Variants in MARK3 observed in about 807,000 individuals in gnomAD.
The protein encoded by MARK3 is MAP/microtubule affinity-regulating kinase 3.
A neutral mutation model predicts 90.1 loss-of-function variants in MARK3; 46 were observed. The ratio of observed to expected loss-of-function variants is 0.51; its 90% CI spans 0.40 to 0.65. MARK3 has a LOEUF of 0.65. Among genes scored for constraint, MARK3 ranks in the 30% least tolerant of loss-of-function variants. MARK3 has a pLI of 0.00. For synonymous variants in MARK3, 321 were observed against 332.6 expected (o/e 0.97, Z 0.38); for missense variants, 818 against 947.2 (o/e 0.86, Z 1.79).
chr14:103,412,154 T>C, intron 2 of MARK3: 1 of 1,376,464 alleles, frequency 7.3e-7, no homozygotes, highest in Non-Finnish European at 9.8e-7. Context: ...GTGGTGCTCT[T>C]GATATATAAG....
intron 1 of MARK3, among the ~76,000 whole-genome samples, chr14:103,399,379 A>G (rs1282831891): frequency 1.3e-5 from 2 of 152,184 alleles, no homozygotes; most frequent in Non-Finnish European, 2.9e-5. Flanking sequence ...GACCTAACAC[A>G]GTGCCCTAAA....
chr14:103,454,140 C>G (rs889777630), intron 5 of MARK3, among the ~76,000 whole-genome samples: 10 of 152,186 alleles, frequency 6.6e-5, no homozygotes, highest in African/African-American at 2.4e-4. Flanking sequence ...ATGTGCTGAG[C>G]TGAGCTTCAC....
At chr14:103,467,004 CAAAA>C (rs11320440) in intron 10 of MARK3, 71 bp from the exon 11 acceptor site, 4,481 of 420,468 alleles carry the variant, frequency 0.011, no homozygotes, top group East Asian at 0.016. Context: ...AACTCCGTCT[CAAAA>C]AAAAAAAAAA....
rs373318191 is a variant in MARK3 at position 103,491,866 on chromosome 14, C to A, written c.1676C>A (p.Thr559Asn). ...TPDRIRFPRG[T>N]ASRSTFHGQP... ...GATCGAATCCGCTTCCCAAGAGGCA[C>A]TGCCAGTCGTAGCACTTTCCACGGC... is the stretch of plus-strand genomic sequence containing the variant. The change falls in exon 15 of 18, where the codon ACT becomes AAT. Residue 559 changes from threonine to asparagine, a missense_variant. Around this residue, in one of 3 missense-constraint regions of MARK3, gnomAD observed 560 missense variants for 613.5 expected, o/e 0.91. Transcript: ENST00000429436. The A allele has an allele frequency of 1.9e-6, 3 of 1,614,134 alleles. No homozygotes were observed. In the African/African-American group the frequency reaches 4.0e-5, roughly 22 times the overall value.
At chr14:103,453,782 AC>A (rs1162369899) in intron 5 of MARK3, among the ~76,000 whole-genome samples, 4 of 152,096 alleles carry the variant, frequency 2.6e-5, no homozygotes, top group Non-Finnish European at 5.9e-5. Context: ...GCTTTCTCTT[AC>A]CAGATCTCCT....
At chr14:103,410,056 A>T (rs187996534) in intron 2 of MARK3, among the ~76,000 whole-genome samples, 1 of 152,318 alleles carries the variant, frequency 6.6e-6, no homozygotes, top group Non-Finnish European at 1.5e-5. Context: ...AATGGAATAG[A>T]GTGTTCATTT....
chr14:103,422,137 T>C (rs2092245050), intron 2 of MARK3, among the ~76,000 whole-genome samples: 1 of 152,206 alleles, frequency 6.6e-6, no homozygotes, highest in Non-Finnish European at 1.5e-5. Context: ...TCATTGACTT[T>C]AAAAACACAA....
Position 103,480,371 on chromosome 14 carries a change from A to G in MARK3, c.1483-16A>G, listed in dbSNP as rs752742370. 1 of 1,522,178 alleles carries G rather than the reference A, an allele frequency of 6.6e-7. No individual in the cohort carries two copies. The allele number at this position is 1,522,178 out of a possible 1,614,324, so 94.3% of individuals were successfully genotyped here. On this transcript the variant is annotated splice_polypyrimidine_tract_variant and intron_variant, in intron 13 of 17. Coordinates refer to ENST00000429436, the MANE Select transcript of MARK3 (RefSeq NM_001128918.3). ...TTTACCAAATAAATTTAAGACAAAA[A>G]TGCCCTTTTTTATAGAGTAACACAG...
chr14:103,491,712 G>A (rs564913920), intron 14 of MARK3, 65 bp from the exon 15 acceptor site: 7 of 1,544,134 alleles, frequency 4.5e-6, no homozygotes, highest in South Asian at 1.2e-5. Flanking sequence ...TGTATAAAAG[G>A]TATATTGTGA....
chr14:103,442,953 C>CA (rs1555386469), intron 3 of MARK3, among the ~76,000 whole-genome samples: 2 of 147,430 alleles, frequency 1.4e-5, no homozygotes, highest in African/African-American at 2.5e-5. Context: ...CCCCCCCCCT[C>CA]CCACCGACAA....
chr14:103,435,574 A>G (rs961077685), intron 3 of MARK3, among the ~76,000 whole-genome samples: 3 of 151,220 alleles, frequency 2.0e-5, no homozygotes, highest in Admixed American at 2.0e-4. Context: ...ACGCCCGGCT[A>G]ATTTTTTGTA....
intron 4 of MARK3, among the ~76,000 whole-genome samples, chr14:103,451,301 A>C (rs2093141865): frequency 6.6e-6 from 1 of 152,122 alleles, no homozygotes; most frequent in Non-Finnish European, 1.5e-5. Flanking sequence ...TCTGTAACAA[A>C]AGACTGCTGT....
chr14:103,446,435 T>A (rs1251546546), intron 3 of MARK3, among the ~76,000 whole-genome samples: 1 of 151,918 alleles, frequency 6.6e-6, no homozygotes, highest in African/African-American at 2.4e-5. Context: ...GACAGAAGAA[T>A]CCCTTGAACC....
At chr14:103,388,694 C>T (rs1320601388) in intron 1 of MARK3, among the ~76,000 whole-genome samples, 2 of 152,122 alleles carry the variant, frequency 1.3e-5, no homozygotes, top group Non-Finnish European at 2.9e-5. Flanking sequence ...CTTTCTTAGC[C>T]CCTGGGTAAC....
At chr14:103,423,214 T>TTTTTTTTTTTTTTTTTCC (rs2092287011) in intron 2 of MARK3, among the ~76,000 whole-genome samples, 1 of 147,668 alleles carries the variant, frequency 6.8e-6, no homozygotes, top group Non-Finnish European at 1.5e-5. Context: ...TTTTTTTTTT[T>TTTTTTTTTTTTTTTTTCC]GCCTCCTCTT....
At chr14:103,430,114 T>G (rs191323156) in intron 3 of MARK3, among the ~76,000 whole-genome samples, 188 of 152,364 alleles carry the variant, frequency 1.2e-3, no homozygotes, top group African/African-American at 4.3e-3. Flanking sequence ...GCATCTGAAT[T>G]AATTTTGACT....
At chr14:103,416,984 C>T (rs2091970302) in intron 2 of MARK3, among the ~76,000 whole-genome samples, 1 of 152,048 alleles carries the variant, frequency 6.6e-6, no homozygotes, top group Non-Finnish European at 1.5e-5. Flanking sequence ...GCCAGATAAG[C>T]AGGAGAGTGA....
At chr14:103,415,933 T>C (rs1369284951) in intron 2 of MARK3, among the ~76,000 whole-genome samples, 2 of 152,180 alleles carry the variant, frequency 1.3e-5, no homozygotes, top group Non-Finnish European at 2.9e-5. Context: ...TTAAACATCA[T>C]TGACTTCCAC....
chr14:103,458,835 T>G, intron 6 of MARK3: 1 of 619,930 alleles, frequency 1.6e-6, no homozygotes, highest in Non-Finnish European at 2.9e-6. Context: ...TAAACGTTGC[T>G]TATATTTTGC....
Sources: gnomAD v4.1 joint callset for allele counts (sites outside exome capture counted in the v4.1 genomes callset) on GRCh38, gnomAD v4.1.1 for gene constraint, gnomAD v4.1.1 regional missense constraint, MANE v1.5 for transcripts, NCBI Gene and HGNC (gene_info 2026-07-23, HGNC 2026-07-21) for gene names.